SOX5: variants seen among roughly 807,000 people sequenced by gnomAD.
SOX5 encodes the protein SRY-box transcription factor 5, also known as transcription factor SOX-5.
In SOX5, 9 loss-of-function variants were observed where a neutral mutation model predicts 92.0. The ratio of observed to expected loss-of-function variants is 0.10; its 90% CI spans 0.06 to 0.17. The LOEUF is 0.17. Ranked by LOEUF, SOX5 falls within the 10% of genes least tolerant of loss-of-function variation. The pLI, the probability that SOX5 is intolerant of heterozygous loss-of-function variation, is 1.00. For synonymous variants in SOX5, 344 were observed against 336.3 expected, an observed-to-expected ratio of 1.02 and a Z score of -0.25; for missense variants, 642 against 944.5, an observed-to-expected ratio of 0.68 and a Z score of 4.20.
rs142529490 is a variant in SOX5, at chr12:24,193,828, C to A, written c.-2+19515G>T. ...AACGTTTTCAAGAACTTATAATTTT[C>A]TTTTTCAGAGAAAAAAGTAGTTTTG... On this transcript the variant is annotated intron_variant, in intron 4 of 4. Transcript: ENST00000446891. Among the ~76,000 whole-genome samples the A allele has an allele frequency of 8.5e-5, 13 of 152,266 alleles. No homozygotes were observed. The East Asian group carries it at 2.1e-3, about 25-fold the overall frequency.
chr12:24,406,371 CAACTGAGAGTCAGTGTTAAGCAG>C (rs538567544), intron 1 of SOX5, among the ~76,000 whole-genome samples: 1,825 of 152,232 alleles, frequency 0.012, 17 homozygotes, highest in Middle Eastern at 0.071. Flanking sequence ...CAAAAGTGAT[CAACTGAGAGTCAGTGTTAAGCAG>C]CTTCCTGGCC....
chr12:23,893,995 G>A (rs1164180824), intron 2 of SOX5, among the ~76,000 whole-genome samples: 2 of 152,158 alleles, frequency 1.3e-5, no homozygotes, highest in Non-Finnish European at 2.9e-5. Flanking sequence ...ATGTTTGTAA[G>A]CATGGACTCC....
chr12:24,163,816 T>A (rs10771064), intron 4 of SOX5, among the ~76,000 whole-genome samples: 57,056 of 151,720 alleles, frequency 0.38, 11,594 homozygotes, highest in Non-Finnish European at 0.47. Context: ...TCTCTCTTTC[T>A]CTCTGTCTTT....
At chr12:24,406,269 T>TGAGTGGG (rs1962925862) in intron 1 of SOX5, among the ~76,000 whole-genome samples, 1 of 152,050 alleles carries the variant, frequency 6.6e-6, no homozygotes, top group Non-Finnish European at 1.5e-5. Context: ...AACCAGGTGC[T>TGAGTGGG]GAGTGGGGAG....
At chr12:24,256,135 A>G (rs1941116689) in intron 3 of SOX5, among the ~76,000 whole-genome samples, 3 of 152,234 alleles carry the variant, frequency 2.0e-5, no homozygotes, top group Admixed American at 2.0e-4. Flanking sequence ...CTGATAAGCT[A>G]TGCAAACTTG....
At chr12:24,033,270 A>C (rs960536678) in intron 4 of SOX5, among the ~76,000 whole-genome samples, 2 of 151,962 alleles carry the variant, frequency 1.3e-5, no homozygotes, top group Admixed American at 6.6e-5. Context: ...CTAAAATTGT[A>C]AGTTAAATAC....
At chr12:23,792,536 T>G (rs1567799006) in intron 3 of SOX5, among the ~76,000 whole-genome samples, 1 of 141,230 alleles carries the variant, frequency 7.1e-6, no homozygotes, top group Non-Finnish European at 1.5e-5. Flanking sequence ...GGCAGGAGGA[T>G]TGCTTGAACC....
At chr12:23,591,998 A>G (rs1951636202) in intron 9 of SOX5, among the ~76,000 whole-genome samples, 1 of 152,118 alleles carries the variant, frequency 6.6e-6, no homozygotes, top group Non-Finnish European at 1.5e-5. Flanking sequence ...AGCAAATCAT[A>G]ACAGTTCAAA....
intron 4 of SOX5, among the ~76,000 whole-genome samples, chr12:24,180,890 A>G (rs1565602521): frequency 6.6e-6 from 1 of 152,032 alleles, no homozygotes; most frequent in Non-Finnish European, 1.5e-5. Flanking sequence ...ATTCTACTCA[A>G]CTCACCCATG....
At chr12:24,419,161 A>T (rs1965518294) in intron 1 of SOX5, among the ~76,000 whole-genome samples, 1 of 151,952 alleles carries the variant, frequency 6.6e-6, no homozygotes, top group African/African-American at 2.4e-5. Flanking sequence ...TTGCTCTGTC[A>T]CCAAGGCAGT....
At chr12:24,390,236 A>G (rs1958851364) in intron 1 of SOX5, among the ~76,000 whole-genome samples, 1 of 152,194 alleles carries the variant, frequency 6.6e-6, no homozygotes, top group Non-Finnish European at 1.5e-5. Flanking sequence ...ATGTGAATTG[A>G]CCAGGATACA....
At chr12:24,117,758 TA>T (rs1294505016) in intron 4 of SOX5, among the ~76,000 whole-genome samples, 4 of 151,954 alleles carry the variant, frequency 2.6e-5, no homozygotes, top group Non-Finnish European at 5.9e-5. Flanking sequence ...ATGTGGAACC[TA>T]AAAAAGTCAA....
intron 1 of SOX5, among the ~76,000 whole-genome samples, chr12:24,504,587 A>T (rs1048956393): frequency 6.6e-6 from 1 of 152,194 alleles, no homozygotes; most frequent in African/African-American, 2.4e-5. Context: ...TATTTTCAAA[A>T]TGCCTACCAT....
chr12:23,732,199 G>A (rs982192654), intron 6 of SOX5, among the ~76,000 whole-genome samples: 4 of 151,832 alleles, frequency 2.6e-5, no homozygotes, highest in Non-Finnish European at 5.9e-5. Flanking sequence ...GTAGGAAGAA[G>A]GAGAAAAGGG....
intron 4 of SOX5, among the ~76,000 whole-genome samples, chr12:24,201,109 T>A (rs747016872): frequency 3.9e-5 from 6 of 152,160 alleles, no homozygotes; most frequent in Non-Finnish European, 7.3e-5. Flanking sequence ...CTGGTTTTAC[T>A]TAGGCACTAA....
At chr12:24,518,140 C>T (rs1702467851) in intron 1 of SOX5, among the ~76,000 whole-genome samples, 1 of 151,590 alleles carries the variant, frequency 6.6e-6, no homozygotes, top group Non-Finnish European at 1.5e-5. Context: ...CCAGTTTCTA[C>T]TGACTGCAAC....
intron 4 of SOX5, among the ~76,000 whole-genome samples, chr12:23,964,723 A>T (rs1947339969): frequency 6.6e-6 from 1 of 152,206 alleles, no homozygotes; most frequent in Admixed American, 6.5e-5. Context: ...AGCATCTAAA[A>T]TCGAGCAGTA....
chr12:23,864,545 G>T (rs1258423673), intron 2 of SOX5, among the ~76,000 whole-genome samples: 1 of 152,114 alleles, frequency 6.6e-6, no homozygotes, highest in Non-Finnish European at 1.5e-5. Flanking sequence ...ACACACAAAT[G>T]ATAAGAAACC....
intron 1 of SOX5, among the ~76,000 whole-genome samples, chr12:24,378,873 G>A (rs1439350273): frequency 6.6e-6 from 1 of 152,172 alleles, no homozygotes; most frequent in Non-Finnish European, 1.5e-5. Flanking sequence ...CTTTGGCTGT[G>A]GGTAACATGG....
Sources: allele counts gnomAD v4.1 joint callset (sites outside exome capture counted in the v4.1 genomes callset), GRCh38; gene constraint gnomAD v4.1.1; transcripts MANE v1.5; gene names NCBI Gene and HGNC (gene_info 2026-07-23, HGNC 2026-07-21).